Variants in IFT27 observed in about 807,000 individuals in gnomAD.
IFT27 encodes the protein intraflagellar transport 27, also known as intraflagellar transport protein 27 homolog.
In IFT27, 19 loss-of-function variants were observed where a neutral mutation model predicts 23.9. That is an observed-to-expected ratio of 0.79 (90% CI 0.55 to 1.16). IFT27 has a LOEUF of 1.16. IFT27 is among the 50% of genes most tolerant of loss of function. IFT27 has a pLI of 0.00. For missense variants in IFT27, 206 were observed against 228.7 expected (o/e 0.90, Z 0.64); for synonymous variants, 91 against 89.1 (o/e 1.02, Z -0.12).
intron 1 of IFT27, among the ~76,000 whole-genome samples, chr22:36,772,964 G>A (rs1938419877): frequency 6.6e-6 from 1 of 152,198 alleles, no homozygotes; most frequent in African/African-American, 2.4e-5. Context: ...CCTGAAAAGA[G>A]GCTGCAGATT....
intron 1 of IFT27, among the ~76,000 whole-genome samples, chr22:36,771,307 C>T (rs1313748405): frequency 6.6e-6 from 1 of 152,234 alleles, no homozygotes; most frequent in African/African-American, 2.4e-5. Context: ...GCACCAGTGT[C>T]ATTCACATCC....
intron 1 of IFT27, among the ~76,000 whole-genome samples, chr22:36,771,239 T>C (rs1938379620): frequency 6.6e-6 from 1 of 152,152 alleles, no homozygotes; most frequent in Non-Finnish European, 1.5e-5. Flanking sequence ...TGGTGCTCCT[T>C]CCTGCAGTTA....
rs1938168901 is a variant in IFT27 at position 36,763,956 on chromosome 22, C to T, written c.315G>A (p.Glu105=). ...TGCCTGGAGCCTGTGACCGAGCCTT[C>T]TCCAGCCACTTGCTGCAGTTGTTGA... ...ESFNNCSKWL[E]KARSQAPGIS... The change falls in exon 5 of 7, where the codon GAG becomes GAA. Residue 105 remains glutamate, a synonymous_variant. Coordinates refer to ENST00000433985, the MANE Select transcript of IFT27 (RefSeq NM_001177701.3). The T allele has an allele frequency of 3.1e-6, 5 of 1,614,186 alleles. No homozygotes were observed. The highest frequency in any genetic ancestry group is 4.2e-6 in the Non-Finnish European group (5 of 1,179,980).
intron 6 of IFT27, chr22:36,761,094 G>C (rs1317363129): frequency 6.5e-6 from 1 of 153,312 alleles, no homozygotes; most frequent in Non-Finnish European, 1.5e-5. Context: ...ACAGATAATA[G>C]CAAGTGCTTA....
chr22:36,763,735 G>A (rs980025427), intron 5 of IFT27, 184 bp downstream of exon 5: 26 of 685,962 alleles, frequency 3.8e-5, no homozygotes, highest in Non-Finnish European at 6.2e-5. Flanking sequence ...ACTGGGAGAG[G>A]TGTGTGTGGT....
chr22:36,768,220 TG>T (rs992275810), intron 1 of IFT27: 14 of 397,388 alleles, frequency 3.5e-5, no homozygotes, highest in Non-Finnish European at 6.1e-5. Context: ...GAATTTACTT[TG>T]AAGTCTTGAA....
intron 6 of IFT27, 140 bp downstream of exon 6, chr22:36,762,764 G>A (rs1938125455): frequency 2.1e-6 from 1 of 479,664 alleles, no homozygotes; most frequent in Non-Finnish European, 3.7e-6. Flanking sequence ...AGAGATCTCG[G>A]GTAAGAATGT....
At chr22:36,763,774 G>A (rs1938161283) in intron 5 of IFT27, 145 bp downstream of exon 5, 1 of 720,108 alleles carries the variant, frequency 1.4e-6, no homozygotes, top group East Asian at 2.7e-5. Flanking sequence ...TGGCTGCTAA[G>A]TGGCAGGGCC....
intron 1 of IFT27, among the ~76,000 whole-genome samples, chr22:36,774,299 A>G (rs1468852516): frequency 6.6e-6 from 1 of 152,200 alleles, no homozygotes; most frequent in Non-Finnish European, 1.5e-5. Context: ...GGAAGAGGGG[A>G]ATTTTTTAAA....
At chr22:36,772,430 A>T in intron 1 of IFT27, 1 of 851,618 alleles carries the variant, frequency 1.2e-6, no homozygotes, top group Non-Finnish European at 1.4e-6. Context: ...TAATGAGTTA[A>T]TATGCACAGT....
At position 36,758,343 on chromosome 22, in the gene IFT27, C is replaced by G; in HGVS notation, c.529G>C (p.Glu177Gln). Residue 177 changes from glutamate to glutamine, a missense_variant, in exon 7 of 7, where the codon GAG becomes CAG. Physicochemically the swap from Glu to Gln is conservative, Grantham distance 29 (BLOSUM62 2). Transcript: ENST00000433985. ...AGGGCCCGGAAAACCTCCACCTTCTCCCGGTACAGCTGGTGGAACTGCTTG... is the reference window on the plus strand; with the variant it reads ...AGGGCCCGGAAAACCTCCACCTTCTGCCGGTACAGCTGGTGGAACTGCTTG... ...LAKQFHQLYR[E>Q]KVEVFRALA 1 of 1,614,158 alleles carries G rather than the reference C, an allele frequency of 6.2e-7. No homozygotes were observed. Among genetic ancestry groups the G allele is most frequent in the South Asian group, 1.1e-5 (1 of 91,080 alleles).
At chr22:36,762,581 G>GA (rs1427474688) in intron 6 of IFT27, 2 of 192,090 alleles carry the variant, frequency 1.0e-5, no homozygotes, top group Admixed American at 6.1e-5. Context: ...AGAGCCACAT[G>GA]AAACAATGTT....
intron 1 of IFT27, among the ~76,000 whole-genome samples, chr22:36,771,267 G>C (rs1184422672): frequency 1.3e-5 from 2 of 152,180 alleles, no homozygotes; most frequent in Non-Finnish European, 2.9e-5. Context: ...TGCTGCCTCA[G>C]TTTCCCCCTT....
chr22:36,767,416 C>A, intron 2 of IFT27, 51 bp from the exon 3 acceptor site: 1 of 1,538,912 alleles, frequency 6.5e-7, no homozygotes. Flanking sequence ...AAAGGGAGAG[C>A]ATGTTACAGG....
intron 1 of IFT27, among the ~76,000 whole-genome samples, chr22:36,772,973 T>C (rs1034484846): frequency 1.3e-5 from 2 of 152,114 alleles, no homozygotes; most frequent in African/African-American, 4.8e-5. Flanking sequence ...AGGCTGCAGA[T>C]TGAGGCGCAG....
At chr22:36,758,785 C>G (rs564265073) in intron 6 of IFT27, 7 of 207,856 alleles carry the variant, frequency 3.4e-5, no homozygotes, top group Non-Finnish European at 6.9e-5. Flanking sequence ...TACCAAGGAA[C>G]CTGGAGCCCC....
rs183375553 is a variant in IFT27 at position 36,775,681 on chromosome 22, G to A, written c.27C>T (p.Ile9=). 1.7e-5 allele frequency: 27 copies of A among 1,614,152 alleles called. No individual in the cohort carries two copies. The East Asian group carries it at 6.0e-4, about 36-fold the overall frequency. The part of the protein sequence containing the change: MVKLAAKC[I]LAGDPAVGKT... ...GCAAGTTTTCAGACTCACCTGCCAG[G>A]ATGCATTTGGCTGCCAGCTTCACCA... Residue 9 remains isoleucine (I), a synonymous_variant, in exon 1 of 7, where the codon ATC becomes ATT. Transcript: ENST00000433985.
intron 4 of IFT27, among the ~76,000 whole-genome samples, chr22:36,764,429 A>G (rs1267147854): frequency 6.6e-6 from 1 of 152,254 alleles, no homozygotes; most frequent in Non-Finnish European, 1.5e-5. Context: ...CAACGATGAC[A>G]GAGATGGGGG....
At chr22:36,766,245 C>T in intron 3 of IFT27, 48 bp from the exon 4 acceptor site, 1 of 1,494,528 alleles carries the variant, frequency 6.7e-7, no homozygotes, top group South Asian at 1.1e-5. Context: ...AAACCACAAG[C>T]TACGAGTCAC....
Sources: allele counts gnomAD v4.1 joint callset (sites outside exome capture counted in the v4.1 genomes callset), GRCh38; gene constraint gnomAD v4.1.1; transcripts MANE v1.5; gene names NCBI Gene and HGNC (gene_info 2026-07-23, HGNC 2026-07-21).